Variants in LAMA3 observed in about 807,000 individuals in gnomAD.
LAMA3 encodes the protein laminin subunit alpha 3, also known as laminin subunit alpha-3.
Under a neutral mutation model 402.0 loss-of-function variants are expected in LAMA3, and 281 were observed. That is an observed-to-expected ratio of 0.70 (90% CI 0.63 to 0.77). The LOEUF (loss-of-function observed/expected upper bound fraction) is 0.77. Among genes scored for constraint, LAMA3 ranks in the 30% least tolerant of loss-of-function variants. The probability of loss-of-function intolerance (pLI) is 0.00; values close to 1 mark genes in which losing one functional copy is unlikely to be tolerated. For synonymous variants in LAMA3, 1,431 were observed against 1,558.4 expected (o/e 0.92, Z 1.93); for missense variants, 3,840 against 4,215.5 (o/e 0.91, Z 2.47).
At chr18:23,841,045 C>T (rs993049762) in intron 27 of LAMA3, among the ~76,000 whole-genome samples, 5 of 152,136 alleles carry the variant, frequency 3.3e-5, no homozygotes, top group Non-Finnish European at 7.4e-5. Flanking sequence ...AGATGGTTTG[C>T]ATGTGTTCAC....
intron 70 of LAMA3, chr18:23,946,567 A>G: frequency 2.4e-6 from 1 of 424,156 alleles, no homozygotes; most frequent in South Asian, 2.9e-5. Context: ...CCTCCAGGGA[A>G]TGCAAAAACG....
At chr18:23,915,256 C>A (rs571049047) in intron 58 of LAMA3, 33 bp from the exon 59 acceptor site, 2 of 1,609,220 alleles carry the variant, frequency 1.2e-6, no homozygotes, top group East Asian at 4.5e-5. Context: ...GTCCTTTGTT[C>A]AATTGGTGGA....
rs548496104 is a variant in LAMA3 at position 23,904,926 on chromosome 18, A to G, written c.6615+232A>G. 9.8e-5 allele frequency among the ~76,000 whole-genome samples: 15 copies of G among 152,322 alleles called. No homozygotes were observed. In the East Asian group the frequency reaches 2.9e-3, roughly 29 times the overall value. ...CCAGATAGAAATTACACTGATTGTC[A>G]ATTTTCAACCTGAACAAATATTATA... is the stretch of plus-strand genomic sequence containing the variant. On this transcript the variant is annotated intron_variant, in intron 51 of 74. Transcript: ENST00000313654.
At chr18:23,787,952 A>G (rs1374229851) in intron 12 of LAMA3, among the ~76,000 whole-genome samples, 1 of 152,194 alleles carries the variant, frequency 6.6e-6, no homozygotes, top group African/African-American at 2.4e-5. Flanking sequence ...AACAGAAAGT[A>G]TACGAACTGT....
chr18:23,928,618 A>G lies in LAMA3; in HGVS notation c.8296-7A>G. The G allele has an allele frequency of 3.7e-6, 6 of 1,613,942 alleles. No homozygotes were observed. Among genetic ancestry groups the G allele is most frequent in the Non-Finnish European group, 5.1e-6 (6 of 1,179,800 alleles). ...TGCCAGTAATTTATTCCATGTTTGC[A>G]TTTCAGCTTGTGCGATCTGCCTCAT... is the stretch of plus-strand genomic sequence containing the variant. On this transcript the variant is annotated splice_polypyrimidine_tract_variant and splice_region_variant and intron_variant, in intron 63 of 74. Coordinates refer to ENST00000313654, the MANE Select transcript of LAMA3 (RefSeq NM_198129.4).
At chr18:23,790,678 A>G (rs555912255) in intron 12 of LAMA3, among the ~76,000 whole-genome samples, 1 of 152,328 alleles carries the variant, frequency 6.6e-6, no homozygotes, top group East Asian at 1.9e-4. Context: ...TCATTCAGCT[A>G]GAAACTGTTG....
chr18:23,824,732 C>T lies in LAMA3; in HGVS notation c.2571+167C>T, dbSNP rs1941520. Among the ~76,000 whole-genome samples, 104,850 of 152,046 alleles carry T rather than the reference C, an allele frequency of 0.69. 36,441 individuals carry two copies. The highest frequency in any genetic ancestry group is 0.82 in the East Asian group (4,248 of 5,180). On this transcript the variant is annotated intron_variant, in intron 21 of 74. Transcript: ENST00000313654. ...CTAAGGAAACTGTGGTGACATTCAC[C>T]CTCAAATGACATAGGAATCAACTTG...
Position 23,758,513 on chromosome 18 carries a change from TG to T in LAMA3, c.1063+5del. ...GGGAGCAGAGCCACGAGTGTGAAGG[TG>T]GGTGTGGGGATGGGGTGGGGGCCAC... On this transcript the variant is annotated splice_donor_region_variant and intron_variant, in intron 7 of 74. Coordinates refer to ENST00000313654, the MANE Select transcript of LAMA3 (RefSeq NM_198129.4). 6.2e-7 allele frequency: 1 copy of T among 1,610,562 alleles called. No homozygotes were observed. Among genetic ancestry groups the T allele is most frequent in the South Asian group, 1.1e-5 (1 of 90,900 alleles).
chr18:23,709,608 C>T (rs890187240), intron 1 of LAMA3, among the ~76,000 whole-genome samples: 9 of 151,882 alleles, frequency 5.9e-5, no homozygotes, highest in African/African-American at 2.2e-4. Context: ...GACCATGAAG[C>T]AGTAAAGTTG....
chr18:23,786,934 T>C (rs1299347570), intron 12 of LAMA3, among the ~76,000 whole-genome samples: 1 of 152,018 alleles, frequency 6.6e-6, no homozygotes, highest in Non-Finnish European at 1.5e-5. Context: ...GCAAACTTAA[T>C]GACAGATTGA....
intron 12 of LAMA3, among the ~76,000 whole-genome samples, chr18:23,799,274 A>C (rs1462216730): frequency 6.6e-6 from 1 of 152,224 alleles, no homozygotes; most frequent in East Asian, 1.9e-4. Context: ...AATACTCCGG[A>C]AACTCCAAGG....
At chr18:23,759,042 G>A (rs188288128) in intron 7 of LAMA3, among the ~76,000 whole-genome samples, 4 of 151,850 alleles carry the variant, frequency 2.6e-5, no homozygotes, top group East Asian at 1.9e-4. Context: ...AGTAAGAAAA[G>A]CGTTTTTTTT....
In LAMA3 at chr18:23,813,122, G is replaced by T. The variant is rs147986759; in HGVS notation, c.1788+19G>T. ...CAATTTGGTAAGTAGACTATAAAAG[G>T]GTTGCAATTCTAACTATCTCTATTA... On this transcript the variant is annotated intron_variant, in intron 14 of 74. Coordinates refer to ENST00000313654, the MANE Select transcript of LAMA3 (RefSeq NM_198129.4). 1 of 1,559,890 alleles carries T rather than the reference G, an allele frequency of 6.4e-7. No homozygotes were observed.
Position 23,750,973 on chromosome 18 carries a change from A to G in LAMA3, c.740A>G (p.His247Arg). The G allele has an allele frequency of 1.2e-6, 2 of 1,614,018 alleles. No homozygotes were observed. Among genetic ancestry groups the G allele is most frequent in the Non-Finnish European group, 1.7e-6 (2 of 1,179,992 alleles). Residue 247 changes from histidine (H) to arginine (R), a missense_variant, in exon 5 of 75, where the codon CAC (histidine) becomes CGC (arginine). Transcript: ENST00000313654. ...RPGAKNFTFS[H>R]TLREFTKATN... ...GGTGCAAAAAATTTTACTTTCTCTC[A>G]CACCCTGAGGGAGTTTACCAAGGCA...
intron 1 of LAMA3, among the ~76,000 whole-genome samples, chr18:23,698,538 CA>C (rs2060729949): frequency 6.6e-6 from 1 of 152,172 alleles, no homozygotes; most frequent in Non-Finnish European, 1.5e-5. Flanking sequence ...TGCACTGTCA[CA>C]GTAAGTTAAT....
At chr18:23,744,970 A>G (rs1024847979) in intron 2 of LAMA3, among the ~76,000 whole-genome samples, 5 of 152,186 alleles carry the variant, frequency 3.3e-5, no homozygotes, top group Non-Finnish European at 4.4e-5. Flanking sequence ...GGAAAATAAT[A>G]CAATGGGGAT....
intron 5 of LAMA3, 42 bp from the exon 6 acceptor site, chr18:23,753,679 A>G: frequency 1.3e-6 from 2 of 1,491,624 alleles, no homozygotes; most frequent in Non-Finnish European, 1.9e-6. Context: ...AGTTTTTGTC[A>G]CTGTTCAGTG....
intron 12 of LAMA3, among the ~76,000 whole-genome samples, chr18:23,802,987 G>A (rs2062892666): frequency 6.6e-6 from 1 of 152,160 alleles, no homozygotes; most frequent in Non-Finnish European, 1.5e-5. Flanking sequence ...GGTGGGGAAA[G>A]TGGTGAGATT....
chr18:23,689,965 C>T lies in LAMA3; in HGVS notation c.282C>T (p.Gly94=). 6.6e-7 allele frequency: 1 copy of T among 1,505,030 alleles called. No homozygotes were observed. Among genetic ancestry groups the T allele is most frequent in the African/African-American group, 1.4e-5 (1 of 69,898 alleles). The allele number at this position is 1,505,030 out of a possible 1,614,324, so 93.2% of individuals were successfully genotyped here. A position where few individuals can be genotyped will look rare whatever the true frequency, so the allele number is the denominator to read the frequency against. The change falls in exon 1 of 75, where the codon GGC becomes GGT. Residue 94 remains glycine, a synonymous_variant. Coordinates refer to ENST00000313654, the MANE Select transcript of LAMA3 (RefSeq NM_198129.4). ...LVGGPTAPGS[G]HTIQGQFCDY... Reference sequence around the variant, plus strand: ...GGGGCCCCACCGCCCCAGGCAGCGGCCACACCATCCAGGTGAGGGCCTCGG... The same window carrying T: ...GGGGCCCCACCGCCCCAGGCAGCGGTCACACCATCCAGGTGAGGGCCTCGG...
Sources: allele counts gnomAD v4.1 joint callset (sites outside exome capture counted in the v4.1 genomes callset), GRCh38; gene constraint gnomAD v4.1.1; transcripts MANE v1.5; gene names NCBI Gene and HGNC (gene_info 2026-07-23, HGNC 2026-07-21).